The following TNPO3 variants were observed in gnomAD, a reference collection of about 807,000 sequenced individuals.
The protein encoded by TNPO3 is transportin 3, also known as transportin-3.
In TNPO3, 65 loss-of-function variants were observed where a neutral mutation model predicts 122.8. The ratio of observed to expected loss-of-function variants is 0.53; its 90% CI spans 0.43 to 0.65. The LOEUF (loss-of-function observed/expected upper bound fraction) is 0.65. TNPO3 is among the 30% of genes least tolerant of loss of function. TNPO3 has a pLI of 0.00. For missense variants in TNPO3, 850 were observed against 1,136.7 expected (o/e 0.75, Z 3.63); for synonymous variants, 372 against 411.2 (o/e 0.90, Z 1.15).
At chr7:128,961,345 T>C (rs1414144576) in intron 21 of TNPO3, among the ~76,000 whole-genome samples, 3 of 152,168 alleles carry the variant, frequency 2.0e-5, no homozygotes, top group African/African-American at 7.2e-5. Context: ...CTTACCATTG[T>C]GTTACAATTG....
Position 128,997,495 on chromosome 7 carries a change from TC to T in TNPO3, c.1051del (p.Glu351AsnfsTer51). ...TTCATCGTTAGTTTTGTACAAATGT[TC>T]CCCCAGTCGGTACCAAAAGTTAAAT... is the stretch of plus-strand genomic sequence containing the variant. ...ISFNFWYRLGEHLYKTNDEVI... is the reference protein window; with the variant it reads ...ISFNFWYRLGXHLYKTNDEVI... On this transcript the variant is annotated frameshift_variant, in exon 8 of 23. Transcript: ENST00000265388. LOFTEE classifies it high-confidence loss of function. The T allele has an allele frequency of 6.2e-7, 1 of 1,614,026 alleles. No individual in the cohort carries two copies. Among genetic ancestry groups the T allele is most frequent in the Non-Finnish European group, 8.5e-7 (1 of 1,179,912 alleles).
intron 4 of TNPO3, among the ~76,000 whole-genome samples, chr7:129,013,012 A>T (rs1563102846): frequency 1.3e-5 from 2 of 152,208 alleles, no homozygotes; most frequent in Non-Finnish European, 2.9e-5. Flanking sequence ...CTAATTTTTT[A>T]AAAAATGTGT....
intron 22 of TNPO3, among the ~76,000 whole-genome samples, chr7:128,955,690 A>AC (rs1796827916): frequency 6.6e-6 from 1 of 152,210 alleles, no homozygotes; most frequent in Non-Finnish European, 1.5e-5. Context: ...TTCCAAAGCA[A>AC]CCAGGGAAGC....
chr7:129,019,009 G>A lies in TNPO3; in HGVS notation c.121-852C>T, dbSNP rs542861358. On this transcript the variant is annotated intron_variant, in intron 1 of 22. Transcript: ENST00000265388. The stretch of plus-strand genomic sequence containing the variant: ...GCTGGGATTACAGGCATGAGCCACC[G>A]TGCCTGGCCCCTTCAATTATTTTCT... Among the ~76,000 whole-genome samples, 5 of 152,272 alleles carry A rather than the reference G, an allele frequency of 3.3e-5. No homozygotes were observed. The East Asian group carries it at 5.8e-4, about 18-fold the overall frequency.
In TNPO3 at chr7:128,970,176, A is replaced by G; in HGVS notation, c.2570T>C (p.Leu857Pro). The G allele has an allele frequency of 6.2e-7, 1 of 1,614,184 alleles. No individual in the cohort carries two copies. The highest frequency in any genetic ancestry group is 8.5e-7 in the Non-Finnish European group (1 of 1,180,026). Reference sequence around the variant, plus strand: ...TCTGTCAACCTGCATGATCTCCCAGAGCACTTCAGCCACATCTGGTAGGGT... The same window carrying G: ...TCTGTCAACCTGCATGATCTCCCAGGGCACTTCAGCCACATCTGGTAGGGT... ...PYTLPDVAEV[L>P]WEIMQVDRPT... The change falls in exon 20 of 23, where the codon CTC (leucine) becomes CCC (proline). Residue 857 changes from leucine to proline, a missense_variant. Transcript: ENST00000265388.
intron 1 of TNPO3, among the ~76,000 whole-genome samples, chr7:129,026,561 C>T (rs1057255370): frequency 2.6e-5 from 4 of 152,080 alleles, no homozygotes; most frequent in African/African-American, 7.2e-5. Flanking sequence ...TGCCACCACA[C>T]CCAGCTAATT....
intron 1 of TNPO3, among the ~76,000 whole-genome samples, chr7:129,044,021 T>A (rs1807721895): frequency 6.6e-6 from 1 of 152,246 alleles, no homozygotes; most frequent in Non-Finnish European, 1.5e-5. Flanking sequence ...ATGTTAACAG[T>A]GCTTAAGACT....
intron 20 of TNPO3, 24 bp from the exon 21 acceptor site, chr7:128,967,416 G>A (rs1350738455): frequency 6.7e-7 from 1 of 1,497,760 alleles, no homozygotes; most frequent in Non-Finnish European, 9.3e-7. Flanking sequence ...AGGGGTAAGA[G>A]TTTTAAAAGG....
intron 13 of TNPO3, 22 bp downstream of exon 13, chr7:128,984,146 C>T (rs769916257): frequency 2.7e-6 from 4 of 1,459,494 alleles, no homozygotes; most frequent in African/African-American, 1.4e-5. Flanking sequence ...ATTTGTTTCA[C>T]ACCTTCCTTA....
chr7:128,995,130 G>A (rs1296169619), intron 8 of TNPO3, among the ~76,000 whole-genome samples: 1 of 152,168 alleles, frequency 6.6e-6, no homozygotes, highest in African/African-American at 2.4e-5. Context: ...TAGGTGGACA[G>A]ATATAAAAAA....
At chr7:128,956,096 A>C (rs1479681199) in intron 22 of TNPO3, among the ~76,000 whole-genome samples, 2 of 152,252 alleles carry the variant, frequency 1.3e-5, no homozygotes, top group Non-Finnish European at 2.9e-5. Flanking sequence ...GTCCATGAGC[A>C]ACCTTATGAG....
chr7:129,000,115 G>C (rs78940763), intron 7 of TNPO3, among the ~76,000 whole-genome samples: 3 of 152,092 alleles, frequency 2.0e-5, no homozygotes, highest in Non-Finnish European at 4.4e-5. Flanking sequence ...GTTAGAATTT[G>C]GTGTTTTTTA....
intron 4 of TNPO3, among the ~76,000 whole-genome samples, chr7:129,013,077 C>T (rs1056762999): frequency 5.9e-5 from 9 of 152,266 alleles, no homozygotes; most frequent in African/African-American, 1.9e-4. Context: ...TCTTCTATCA[C>T]CTTTCAGTTC....
At chr7:129,032,912 T>C (rs1365929945) in intron 1 of TNPO3, among the ~76,000 whole-genome samples, 2 of 152,062 alleles carry the variant, frequency 1.3e-5, no homozygotes, top group African/African-American at 2.4e-5. Context: ...AAAAGAATAA[T>C]ATTGGAGGTC....
upstream of TNPO3, chr7:129,056,067 G>A (rs192536494): frequency 2.6e-6 from 3 of 1,169,810 alleles, no homozygotes; most frequent in African/African-American, 1.5e-5. Context: ...GAAGATGAAC[G>A]GGCGGAAGAA....
intron 14 of TNPO3, among the ~76,000 whole-genome samples, chr7:128,981,858 A>G (rs1000015396): frequency 2.0e-5 from 3 of 151,816 alleles, no homozygotes; most frequent in African/African-American, 7.3e-5. Context: ...CCTCCCAAAT[A>G]GCTGGGACCA....
chr7:128,985,943 C>G (rs1043580776), intron 12 of TNPO3, among the ~76,000 whole-genome samples: 3 of 152,322 alleles, frequency 2.0e-5, no homozygotes, highest in African/African-American at 7.2e-5. Flanking sequence ...AGATATCACA[C>G]AGGTTATTTT....
At chr7:129,007,584 C>G (rs1802708764) in intron 4 of TNPO3, among the ~76,000 whole-genome samples, 1 of 152,226 alleles carries the variant, frequency 6.6e-6, no homozygotes, top group African/African-American at 2.4e-5. Flanking sequence ...TTAAGCATGT[C>G]AGCTTGAAGT....
chr7:128,990,766 C>A (rs1800662703), intron 10 of TNPO3, among the ~76,000 whole-genome samples: 1 of 152,176 alleles, frequency 6.6e-6, no homozygotes, highest in South Asian at 2.1e-4. Flanking sequence ...TCCCTCTGTC[C>A]CCCACAAAAT....
Sources: allele counts gnomAD v4.1 joint callset (sites outside exome capture counted in the v4.1 genomes callset), GRCh38; gene constraint gnomAD v4.1.1; transcripts MANE v1.5; gene names NCBI Gene and HGNC (gene_info 2026-07-23, HGNC 2026-07-21).